The following GABRB1 variants were observed in gnomAD, a reference collection of about 807,000 sequenced individuals.
GABRB1 encodes gamma-aminobutyric acid type A receptor subunit beta1, also known as gamma-aminobutyric acid receptor subunit beta-1.
GABRB1 carries 17 observed loss-of-function variants against 51.6 expected under a neutral mutation model. The observed-to-expected ratio is 0.33, with a 90% CI of 0.23 to 0.49. GABRB1 has a LOEUF of 0.49. GABRB1 is among the 20% of genes least tolerant of loss of function. GABRB1 has a pLI of 0.99. For missense variants in GABRB1, 410 were observed against 600.6 expected, an observed-to-expected ratio of 0.68 and a Z score of 3.32; for synonymous variants, 247 against 218.9, an observed-to-expected ratio of 1.13 and a Z score of -1.14.
chr4:47,426,072 C>A lies in GABRB1; in HGVS notation c.*54C>A, dbSNP rs1464885482. On this transcript the variant is annotated 3_prime_UTR_variant, in exon 9 of 9. Coordinates refer to ENST00000295454, the MANE Select transcript of GABRB1 (RefSeq NM_000812.4). ...ACTTTCCTCTTCTATTGTTTTTTAA[C>A]CTTACAGGTCCCCAACAGCGATACT... The A allele has an allele frequency of 5.8e-6, 8 of 1,384,094 alleles. No individual in the cohort carries two copies. The highest frequency in any genetic ancestry group is 6.9e-6 in the Non-Finnish European group (7 of 1,019,950). 85.7% of individuals were successfully genotyped at this position (1,384,094 alleles called of 1,614,324 possible). A position where few individuals can be genotyped will look rare whatever the true frequency, so the allele number is the denominator to read the frequency against.
At position 47,403,498 on chromosome 4, in the gene GABRB1, GGAA is replaced by G; in HGVS notation, c.682+49_682+51del. The G allele has an allele frequency of 1.9e-6, 3 of 1,613,282 alleles. No individual in the cohort carries two copies. In the South Asian group the frequency reaches 3.3e-5, roughly 18 times the overall value. Reference sequence around the variant, plus strand: ...AAAATGTACTAGGGGTGCTGTGAAAGGAAGAAGATGGTTCCAACCAAATAATGG... The same window carrying G: ...AAAATGTACTAGGGGTGCTGTGAAAGGAAGATGGTTCCAACCAAATAATGG... On this transcript the variant is annotated intron_variant, in intron 6 of 8. Transcript: ENST00000295454.
intron 3 of GABRB1, among the ~76,000 whole-genome samples, chr4:47,141,437 C>A (rs1348098162): frequency 6.6e-6 from 1 of 151,942 alleles, no homozygotes; most frequent in African/African-American, 2.4e-5. Context: ...CAGATATTTT[C>A]TCCTAGTCTT....
intron 3 of GABRB1, among the ~76,000 whole-genome samples, chr4:47,101,307 G>A (rs1344927490): frequency 6.6e-6 from 1 of 151,958 alleles, no homozygotes; most frequent in African/African-American, 2.4e-5. Flanking sequence ...TGCAAGAATT[G>A]AATGTGTCAG....
intron 3 of GABRB1, among the ~76,000 whole-genome samples, chr4:47,131,311 A>G (rs1188292750): frequency 6.6e-6 from 1 of 152,042 alleles, no homozygotes; most frequent in East Asian, 1.9e-4. Context: ...GGCACGTGCC[A>G]CCATACCTGG....
intron 4 of GABRB1, among the ~76,000 whole-genome samples, chr4:47,255,072 T>C (rs1722148108): frequency 6.6e-6 from 1 of 152,212 alleles, no homozygotes; most frequent in Non-Finnish European, 1.5e-5. Flanking sequence ...ATTCAGGTAA[T>C]TGCTTTCTCT....
At chr4:47,113,563 G>A (rs368076419) in intron 3 of GABRB1, among the ~76,000 whole-genome samples, 28 of 152,246 alleles carry the variant, frequency 1.8e-4, no homozygotes, top group East Asian at 1.4e-3. Flanking sequence ...CTTCACAAAA[G>A]TGGTGGCTTT....
intron 3 of GABRB1, among the ~76,000 whole-genome samples, chr4:47,114,135 G>A (rs1368087106): frequency 7.9e-5 from 12 of 152,142 alleles, no homozygotes; most frequent in Non-Finnish European, 1.6e-4. Flanking sequence ...CGTTATTCCC[G>A]ACCATCTACT....
intron 3 of GABRB1, among the ~76,000 whole-genome samples, chr4:47,123,327 T>A (rs1715874436): frequency 7.8e-6 from 1 of 128,978 alleles, no homozygotes; most frequent in Non-Finnish European, 1.6e-5. Flanking sequence ...TTATATATAT[T>A]AGATAATATT....
intron 5 of GABRB1, among the ~76,000 whole-genome samples, chr4:47,339,194 G>A (rs1013767714): frequency 5.3e-5 from 8 of 152,308 alleles, no homozygotes; most frequent in Middle Eastern, 6.8e-3. Context: ...AATCCAGGTG[G>A]AAGAATTGAG....
At chr4:47,298,802 C>G (rs1303710031) in intron 4 of GABRB1, among the ~76,000 whole-genome samples, 1 of 152,130 alleles carries the variant, frequency 6.6e-6, no homozygotes. Context: ...GCCAAAAGAA[C>G]AAAGCTGGAG....
intron 4 of GABRB1, among the ~76,000 whole-genome samples, chr4:47,183,441 C>T (rs1458509512): frequency 6.7e-6 from 1 of 148,336 alleles, no homozygotes; most frequent in African/African-American, 2.5e-5. Flanking sequence ...AAACTTAGTT[C>T]TCCTTTCTTG....
intron 5 of GABRB1, among the ~76,000 whole-genome samples, chr4:47,358,036 C>T (rs1027476110): frequency 6.6e-6 from 1 of 152,136 alleles, no homozygotes; most frequent in African/African-American, 2.4e-5. Flanking sequence ...ATCACACCCC[C>T]TTATTTCCAT....
intron 4 of GABRB1, among the ~76,000 whole-genome samples, chr4:47,216,438 T>TA (rs1340414824): frequency 6.6e-6 from 1 of 151,942 alleles, no homozygotes; most frequent in East Asian, 1.9e-4. Context: ...AGAATTAACC[T>TA]TAGCGATATT....
At chr4:47,394,948 G>A (rs1728131542) in intron 5 of GABRB1, among the ~76,000 whole-genome samples, 1 of 152,162 alleles carries the variant, frequency 6.6e-6, no homozygotes, top group African/African-American at 2.4e-5. Context: ...CTGGAAGTGA[G>A]CAGACTCAGC....
intron 5 of GABRB1, among the ~76,000 whole-genome samples, chr4:47,334,157 T>C (rs549714969): frequency 6.6e-6 from 1 of 152,314 alleles, no homozygotes; most frequent in South Asian, 2.1e-4. Context: ...ATTTCAAACA[T>C]TTCCCAGATG....
Position 47,425,708 on chromosome 4 carries a change from T to G in GABRB1, c.1115T>G (p.Leu372Arg). The change falls in exon 9 of 9, where the codon CTG (leucine) becomes CGG (arginine). Residue 372 changes from leucine (L) to arginine (R), a missense_variant. By Grantham distance (102) the Leu-to-Arg change is moderately radical (BLOSUM62 -2). Around this residue, in one of 5 missense-constraint regions of GABRB1, gnomAD observed 181 missense variants for 195.6 expected, o/e 0.93. Coordinates refer to ENST00000295454, the MANE Select transcript of GABRB1 (RefSeq NM_000812.4). ...DAHGNILLST[L>R]EIRNETSGSE... ...CACGGTAACATTCTCCTCAGCACCC[T>G]GGAAATCCGGAATGAGACGAGTGGC... The G allele has an allele frequency of 6.2e-7, 1 of 1,613,276 alleles. No individual in the cohort carries two copies. The highest frequency in any genetic ancestry group is 8.5e-7 in the Non-Finnish European group (1 of 1,179,588).
rs568285761 is a variant in GABRB1 at position 47,270,157 on chromosome 4, A to T, written c.462-49970A>T. ...CTGTTACAGATAAATAATAGGAAAA[A>T]GTCTGATTGGCTGGCTCTGAATGTA... On this transcript the variant is annotated intron_variant, in intron 4 of 8. Coordinates refer to ENST00000295454, the MANE Select transcript of GABRB1 (RefSeq NM_000812.4). Among the ~76,000 whole-genome samples the T allele has an allele frequency of 1.3e-3, 203 of 152,328 alleles. 2 individuals are homozygous for T. The highest frequency in any genetic ancestry group is 6.8e-3 in the Middle Eastern group (2 of 294).
intron 2 of GABRB1, 46 bp from the exon 3 acceptor site, chr4:47,032,371 T>A: frequency 6.6e-7 from 1 of 1,513,232 alleles, no homozygotes; most frequent in South Asian, 1.2e-5. Flanking sequence ...CCCAGCCTGC[T>A]GTCACTGAGA....
chr4:47,194,341 T>G (rs1334266959), intron 4 of GABRB1, among the ~76,000 whole-genome samples: 1 of 152,220 alleles, frequency 6.6e-6, no homozygotes, highest in Non-Finnish European at 1.5e-5. Flanking sequence ...CTTACATTTT[T>G]TCATTGGCTA....
Sources: allele counts gnomAD v4.1 joint callset (sites outside exome capture counted in the v4.1 genomes callset), GRCh38; gene constraint gnomAD v4.1.1; regional missense constraint gnomAD v4.1.1; transcripts MANE v1.5; gene names NCBI Gene and HGNC (gene_info 2026-07-23, HGNC 2026-07-21).